VAV3: variants seen among roughly 807,000 people sequenced by gnomAD.
The protein encoded by VAV3 is guanine nucleotide exchange factor VAV3.
VAV3 carries 94 observed loss-of-function variants against 131.2 expected under a neutral mutation model. The observed-to-expected ratio is 0.72, with a 90% confidence interval of 0.61 to 0.85. VAV3 has a LOEUF of 0.85. VAV3 is among the 40% of genes least tolerant of loss of function. The pLI, the probability that VAV3 is intolerant of heterozygous loss-of-function variation, is 0.00. For synonymous variants in VAV3, 349 were observed against 342.0 expected, an observed-to-expected ratio of 1.02 and a Z score of -0.22; for missense variants, 939 against 1,002.7, an observed-to-expected ratio of 0.94 and a Z score of 0.86.
At chr1:107,590,945 A>G (rs1471434911) in intron 25 of VAV3, among the ~76,000 whole-genome samples, 1 of 152,178 alleles carries the variant, frequency 6.6e-6, no homozygotes, top group African/African-American at 2.4e-5. Flanking sequence ...AAGACAATGT[A>G]AATTAGTTCA....
intron 17 of VAV3, among the ~76,000 whole-genome samples, chr1:107,690,875 T>G (rs1659382120): frequency 6.6e-6 from 1 of 152,210 alleles, no homozygotes; most frequent in Non-Finnish European, 1.5e-5. Flanking sequence ...CATTCATGGA[T>G]ACGGCATAGA....
At chr1:107,579,378 T>G (rs1015867981) in intron 25 of VAV3, among the ~76,000 whole-genome samples, 41 of 152,220 alleles carry the variant, frequency 2.7e-4, no homozygotes, top group Non-Finnish European at 4.7e-4. Flanking sequence ...TTAATGTGTC[T>G]GAAACCAAAT....
rs1553231881 is a variant in VAV3, at chr1:107,925,892, C to CATATGAT, written c.204+38773_204+38774insATCATAT. Among the ~76,000 whole-genome samples, 10 of 49,246 alleles carry CATATGAT rather than the reference C, an allele frequency of 2.0e-4. No homozygotes were observed. The East Asian group carries it at 4.7e-3, about 23-fold the overall frequency. The allele number at this position is 49,246 out of a possible 152,430, so 32.3% of individuals were successfully genotyped here. On this transcript the variant is annotated intron_variant, in intron 1 of 26. Transcript: ENST00000370056. ...AGATATGTCACATATAAATATATAACATATATGATATATATGTTACATATA... is the reference window on the plus strand; with the variant it reads ...AGATATGTCACATATAAATATATAACATATGATATATATGATATATATGTTACATATA...
At chr1:107,616,510 A>G (rs957615183) in intron 21 of VAV3, among the ~76,000 whole-genome samples, 1 of 152,170 alleles carries the variant, frequency 6.6e-6, no homozygotes, top group Non-Finnish European at 1.5e-5. Flanking sequence ...TGAGTGACAC[A>G]ATAATCTGTA....
intron 2 of VAV3, among the ~76,000 whole-genome samples, chr1:107,844,708 C>T (rs1458712895): frequency 2.0e-5 from 3 of 152,136 alleles, no homozygotes; most frequent in South Asian, 2.1e-4. Context: ...CTGGGTGGAG[C>T]CCACCACAGC....
chr1:107,687,565 GA>G (rs1242563905), intron 18 of VAV3, among the ~76,000 whole-genome samples: 1 of 152,058 alleles, frequency 6.6e-6, no homozygotes, highest in Non-Finnish European at 1.5e-5. Context: ...CATTTGTGGG[GA>G]GGGGCAGTCA....
chr1:107,959,663 T>C (rs1039378691), intron 1 of VAV3, among the ~76,000 whole-genome samples: 8 of 152,092 alleles, frequency 5.3e-5, no homozygotes, highest in African/African-American at 1.7e-4. Context: ...CTCATCAGAC[T>C]TTTTCTTCTT....
At chr1:107,714,329 T>C (rs1304105309) in intron 15 of VAV3, among the ~76,000 whole-genome samples, 1 of 152,130 alleles carries the variant, frequency 6.6e-6, no homozygotes, top group African/African-American at 2.4e-5. Flanking sequence ...ATCCCAGTTG[T>C]TTCTGTCAAG....
chr1:107,613,993 C>T (rs1652950653), intron 21 of VAV3, among the ~76,000 whole-genome samples: 1 of 152,054 alleles, frequency 6.6e-6, no homozygotes, highest in South Asian at 2.1e-4. Context: ...AATTCCAGCC[C>T]TTCATCTGGA....
intron 19 of VAV3, among the ~76,000 whole-genome samples, chr1:107,666,710 C>A (rs1204689530): frequency 1.3e-5 from 2 of 151,976 alleles, no homozygotes; most frequent in Non-Finnish European, 2.9e-5. Flanking sequence ...GCTGGGACTA[C>A]AGGTGCACAC....
intron 19 of VAV3, among the ~76,000 whole-genome samples, chr1:107,680,534 T>C (rs1002190946): frequency 4.6e-5 from 7 of 152,064 alleles, no homozygotes; most frequent in South Asian, 2.1e-4. Flanking sequence ...TTGGGCACCT[T>C]TGAGAGTACT....
intron 1 of VAV3, among the ~76,000 whole-genome samples, chr1:107,952,468 T>TTTATATATATATATATATATATATATA (rs1553235441): frequency 3.3e-4 from 39 of 118,942 alleles, no homozygotes; most frequent in African/African-American, 1.2e-3. Context: ...TAACAAAACT[T>TTTATATATATATATATATATATATATA]TATATATATA....
At chr1:107,907,551 C>T (rs940157373) in intron 1 of VAV3, among the ~76,000 whole-genome samples, 1 of 152,152 alleles carries the variant, frequency 6.6e-6, no homozygotes, top group South Asian at 2.1e-4. Context: ...GTCATGAATG[C>T]TTTGCCTTCA....
rs147480068 is a variant in VAV3 at position 107,880,655 on chromosome 1, C to G, written c.205-5638G>C. The stretch of plus-strand genomic sequence containing the variant: ...TGCTAAAAATACAAAGATTAGCTGG[C>G]TGTGGTGGCACACACCTATGGTCCC... On this transcript the variant is annotated intron_variant, in intron 1 of 26. Coordinates refer to ENST00000370056, the MANE Select transcript of VAV3 (RefSeq NM_006113.5). Among the ~76,000 whole-genome samples the G allele has an allele frequency of 4.1e-3, 626 of 152,042 alleles. 5 individuals are homozygous for G. The highest frequency in any genetic ancestry group is 0.014 in the African/African-American group (589 of 41,496).
intron 2 of VAV3, among the ~76,000 whole-genome samples, chr1:107,830,109 C>G (rs147859859): frequency 6.6e-6 from 1 of 152,220 alleles, no homozygotes; most frequent in African/African-American, 2.4e-5. Flanking sequence ...AGGCCATTGT[C>G]AGAAAAGTCT....
intron 15 of VAV3, among the ~76,000 whole-genome samples, chr1:107,738,919 T>G (rs569817710): frequency 3.9e-5 from 6 of 152,212 alleles, no homozygotes; most frequent in African/African-American, 1.4e-4. Flanking sequence ...TAACCACCAC[T>G]GTCAGGTTAA....
rs776181898 is a variant in VAV3, at chr1:107,772,844, C to A, written c.447-1G>T. On this transcript the variant is annotated splice_acceptor_variant, in intron 4 of 26. Transcript: ENST00000370056. LOFTEE classifies it high-confidence loss of function. ...TTCTTCATCTTCCACAAGGGTTTCA[C>A]TACAACAAAGGATATCATATAAGGT... 2 of 1,611,894 alleles carry A rather than the reference C, an allele frequency of 1.2e-6. No homozygotes were observed. The highest frequency in any genetic ancestry group is 1.7e-6 in the Non-Finnish European group (2 of 1,178,712).
chr1:107,782,097 C>A (rs1224265786), intron 2 of VAV3, among the ~76,000 whole-genome samples: 5 of 151,988 alleles, frequency 3.3e-5, no homozygotes, highest in African/African-American at 1.2e-4. Flanking sequence ...GTGAAATCTG[C>A]CTCTGATTCT....
chr1:107,609,402 A>C (rs567031844), intron 22 of VAV3: 1 of 151,170 alleles, frequency 6.6e-6, no homozygotes, highest in East Asian at 1.9e-4. Flanking sequence ...TACTAGTGTC[A>C]ACCAGAAGCA....
Sources: allele counts gnomAD v4.1 joint callset (sites outside exome capture counted in the v4.1 genomes callset), GRCh38; gene constraint gnomAD v4.1.1; transcripts MANE v1.5; gene names NCBI Gene and HGNC (gene_info 2026-07-23, HGNC 2026-07-21).